The following ROS1 variants were observed in gnomAD, a reference collection of about 807,000 sequenced individuals.
ROS1 encodes proto-oncogene tyrosine-protein kinase ROS.
A neutral mutation model predicts 273.5 loss-of-function variants in ROS1; 263 were observed. The observed-to-expected ratio is 0.96, with a 90% CI of 0.87 to 1.06. ROS1 has a LOEUF of 1.06. ROS1 is among the 50% of genes least tolerant of loss of function. The pLI is 0.00. For missense variants in ROS1, 2,833 were observed against 2,751.1 expected (o/e 1.03, Z -0.67); for synonymous variants, 1,008 against 954.1 (o/e 1.06, Z -1.04).
chr6:117,412,708 T>C (rs1775022066), intron 4 of ROS1, among the ~76,000 whole-genome samples: 1 of 152,138 alleles, frequency 6.6e-6, no homozygotes, highest in Non-Finnish European at 1.5e-5. Context: ...AATAGCAAAG[T>C]ATAAAGAGAA....
At chr6:117,395,570 T>C (rs1773425113) in intron 9 of ROS1, among the ~76,000 whole-genome samples, 1 of 152,152 alleles carries the variant, frequency 6.6e-6, no homozygotes, top group Non-Finnish European at 1.5e-5. Context: ...TTTATTAGTT[T>C]CCCCTCAAAT....
intron 32 of ROS1, among the ~76,000 whole-genome samples, chr6:117,330,025 G>A (rs9489125): frequency 0.014 from 2,197 of 152,228 alleles, 43 homozygotes; most frequent in East Asian, 0.039. Flanking sequence ...TGAGGGAGGG[G>A]CAGCAGCCAG....
At chr6:117,373,487 G>T (rs1449027800) in intron 18 of ROS1, among the ~76,000 whole-genome samples, 1 of 152,232 alleles carries the variant, frequency 6.6e-6, no homozygotes, top group Non-Finnish European at 1.5e-5. Flanking sequence ...GGCCAGCAGT[G>T]CTGGGGGACC....
intron 13 of ROS1, 115 bp from the exon 14 acceptor site, chr6:117,388,107 G>A (rs2128701749): frequency 6.7e-7 from 1 of 1,486,332 alleles, no homozygotes. Flanking sequence ...CAATTGGGCA[G>A]TAATATCCGC....
intron 19 of ROS1, 34 bp from the exon 20 acceptor site, chr6:117,365,775 A>G: frequency 6.2e-6 from 9 of 1,455,940 alleles, no homozygotes; most frequent in Non-Finnish European, 6.4e-6. Flanking sequence ...AAATAGGAGA[A>G]AAAAATGGGG....
intron 33 of ROS1, 46 bp downstream of exon 33, chr6:117,329,283 C>T (rs1459608171): frequency 2.7e-5 from 23 of 841,176 alleles, no homozygotes; most frequent in Non-Finnish European, 4.3e-5. Context: ...TTATAATTAT[C>T]TTCTTAGTTC....
At chr6:117,315,887 T>C (rs1461480234) in intron 39 of ROS1, among the ~76,000 whole-genome samples, 1 of 152,144 alleles carries the variant, frequency 6.6e-6, no homozygotes, top group African/African-American at 2.4e-5. Flanking sequence ...TGTCTGATAC[T>C]GTTAGCCATA....
At chr6:117,386,699 T>G (rs889320946) in intron 15 of ROS1, among the ~76,000 whole-genome samples, 190 bp downstream of exon 15, 9 of 152,244 alleles carry the variant, frequency 5.9e-5, no homozygotes, top group African/African-American at 2.2e-4. Flanking sequence ...TGTGACTTAA[T>G]AAATAGCGTT....
At chr6:117,384,325 A>C (rs1772390337) in intron 16 of ROS1, among the ~76,000 whole-genome samples, 1 of 152,164 alleles carries the variant, frequency 6.6e-6, no homozygotes, top group African/African-American at 2.4e-5. Context: ...AAGAGCAGGG[A>C]CAACTGATGA....
chr6:117,326,605 A>G (rs1776663930), intron 33 of ROS1, among the ~76,000 whole-genome samples, 191 bp from the exon 34 acceptor site: 1 of 152,100 alleles, frequency 6.6e-6, no homozygotes, highest in African/African-American at 2.4e-5. Context: ...CTAGTGAGGC[A>G]TGGAGCCAAT....
At chr6:117,398,678 CAA>C (rs58864302) in intron 7 of ROS1, among the ~76,000 whole-genome samples, 29 of 59,384 alleles carry the variant, frequency 4.9e-4, no homozygotes, top group Non-Finnish European at 4.0e-4. Context: ...GACCTTGTCT[CAA>C]AAAAAAAAAA....
intron 19 of ROS1, 101 bp downstream of exon 19, chr6:117,365,975 C>A: frequency 9.5e-7 from 1 of 1,056,378 alleles, no homozygotes; most frequent in South Asian, 1.5e-5. Flanking sequence ...AACCTTACTC[C>A]TCTTAAAACT....
chr6:117,359,802 G>T lies in ROS1; in HGVS notation c.3633+7C>A, dbSNP rs988600286. On this transcript the variant is annotated splice_region_variant and intron_variant, in intron 24 of 43. Transcript: ENST00000368507. The stretch of plus-strand genomic sequence containing the variant: ...CTTTATTTCGGAAGAATTACATAGT[G>T]AAATACCTCAGAGCTAGAGCGATTG... 6 of 1,609,568 alleles carry T rather than the reference G, an allele frequency of 3.7e-6. No individual in the cohort carries two copies. In the Admixed American group the frequency reaches 1.0e-4, roughly 27 times the overall value.
At chr6:117,372,448 A>G (rs1582772224) in intron 18 of ROS1, among the ~76,000 whole-genome samples, 1 of 152,200 alleles carries the variant, frequency 6.6e-6, no homozygotes, top group Non-Finnish European at 1.5e-5. Context: ...TGTTTCCGGA[A>G]CTGGTGGGTT....
intron 43 of ROS1, among the ~76,000 whole-genome samples, chr6:117,294,106 A>T (rs1236969470): frequency 6.6e-6 from 1 of 152,196 alleles, no homozygotes; most frequent in African/African-American, 2.4e-5. Flanking sequence ...AAGATTTAGC[A>T]TTCTTTCATA....
At chr6:117,320,537 A>G (rs919942776) in intron 36 of ROS1, among the ~76,000 whole-genome samples, 5 of 152,172 alleles carry the variant, frequency 3.3e-5, no homozygotes, top group Non-Finnish European at 7.4e-5. Context: ...TTGGAATACT[A>G]CAAGGGGGGA....
In ROS1 at chr6:117,394,157, C is replaced by T; in HGVS notation, c.1191+5G>A. The T allele has an allele frequency of 3.2e-6, 5 of 1,565,588 alleles. No individual in the cohort carries two copies. The highest frequency in any genetic ancestry group is 4.3e-6 in the Non-Finnish European group (5 of 1,154,556). On this transcript the variant is annotated splice_donor_5th_base_variant and intron_variant, in intron 11 of 43. Transcript: ENST00000368507. Reference sequence around the variant, plus strand: ...CACTATTCCTCTTTAACTTCTCGGACTAACCAGTTCATCCATGATGAAATA... The same window carrying T: ...CACTATTCCTCTTTAACTTCTCGGATTAACCAGTTCATCCATGATGAAATA...
At chr6:117,418,265 G>A (rs1241046218) in intron 2 of ROS1, among the ~76,000 whole-genome samples, 197 bp downstream of exon 2, 1 of 152,086 alleles carries the variant, frequency 6.6e-6, no homozygotes, top group African/African-American at 2.4e-5. Flanking sequence ...CACTTGGATT[G>A]GTCCTGTGCT....
chr6:117,319,749 G>C (rs924733605), intron 37 of ROS1, 119 bp downstream of exon 37: 2 of 832,534 alleles, frequency 2.4e-6, no homozygotes, highest in Non-Finnish European at 3.8e-6. Context: ...GATAGGCTTC[G>C]ACATTCAACC....
Sources: allele counts gnomAD v4.1 joint callset (sites outside exome capture counted in the v4.1 genomes callset), GRCh38; gene constraint gnomAD v4.1.1; transcripts MANE v1.5; gene names NCBI Gene and HGNC (gene_info 2026-07-23, HGNC 2026-07-21).